CORO2B: variants seen among roughly 807,000 people sequenced by gnomAD.
The protein encoded by CORO2B is coronin 2B.
In CORO2B, 26 loss-of-function variants were observed where a neutral mutation model predicts 58.8. That is an observed-to-expected ratio of 0.44 (90% CI 0.32 to 0.61). The LOEUF is 0.61. Ranked by LOEUF, CORO2B falls within the 20% of genes least tolerant of loss-of-function variation. CORO2B has a pLI of 0.04. For synonymous variants in CORO2B, 242 were observed against 253.8 expected (o/e 0.95, Z 0.44); for missense variants, 460 against 645.1 (o/e 0.71, Z 3.11).
intron 2 of CORO2B, among the ~76,000 whole-genome samples, chr15:68,670,081 TAAAG>T (rs948940622): frequency 1.3e-4 from 19 of 149,970 alleles, no homozygotes; most frequent in African/African-American, 4.4e-4. Context: ...GGGGGAAAAA[TAAAG>T]AAAAATTTAA....
intron 3 of CORO2B, among the ~76,000 whole-genome samples, chr15:68,695,791 C>T (rs907728944): frequency 2.0e-5 from 3 of 151,692 alleles, no homozygotes; most frequent in Non-Finnish European, 4.4e-5. Flanking sequence ...ATGTGTCCCA[C>T]CATTCAATGA....
chr15:68,639,283 AGTGG>A (rs937144105), intron 1 of CORO2B, among the ~76,000 whole-genome samples: 3 of 152,134 alleles, frequency 2.0e-5, no homozygotes, highest in Non-Finnish European at 2.9e-5. Context: ...CCCGGCATGG[AGTGG>A]GGTGGGGCTG....
chr15:68,534,816 T>C, the CORO2B span, among the ~76,000 whole-genome samples: 152 of 152,334 alleles, frequency 1.0e-3, no homozygotes, highest in African/African-American at 3.6e-3. Context: ...CACAGTTCCA[T>C]GTGGCTGGGG....
chr15:68,564,386 C>T, the CORO2B span, among the ~76,000 whole-genome samples: 1 of 152,046 alleles, frequency 6.6e-6, no homozygotes, highest in Non-Finnish European at 1.5e-5. Flanking sequence ...TAACTACAAC[C>T]TCTGCCTCTT....
chr15:68,664,052 T>G (rs74020264), intron 2 of CORO2B, among the ~76,000 whole-genome samples: 9,760 of 152,318 alleles, frequency 0.064, 683 homozygotes, highest in African/African-American at 0.18. Flanking sequence ...ACTCTCATAC[T>G]ACACTGCTGG....
At chr15:68,629,913 G>C (rs1307870642) in intron 1 of CORO2B, among the ~76,000 whole-genome samples, 2 of 152,194 alleles carry the variant, frequency 1.3e-5, no homozygotes, top group East Asian at 3.9e-4. Flanking sequence ...CACCCCAGTA[G>C]AAAGAGTCCT....
At chr15:68,615,644 T>G (rs1900336458) in intron 1 of CORO2B, among the ~76,000 whole-genome samples, 1 of 152,148 alleles carries the variant, frequency 6.6e-6, no homozygotes, top group African/African-American at 2.4e-5. Flanking sequence ...TAAGGCCTCA[T>G]GAATGGGATT....
At chr15:68,548,692 G>A in the CORO2B span, among the ~76,000 whole-genome samples, 22,968 of 152,224 alleles carry the variant, frequency 0.15, 2,080 homozygotes, top group Middle Eastern at 0.25. Flanking sequence ...AGCAGCATAT[G>A]AGAGTATTAA....
chr15:68,653,146 G>C (rs1342406695), intron 2 of CORO2B, among the ~76,000 whole-genome samples: 1 of 152,074 alleles, frequency 6.6e-6, no homozygotes, highest in Non-Finnish European at 1.5e-5. Context: ...TGGGGTCCTG[G>C]AGCAGCGGTC....
chr15:68,521,345 G>A, the CORO2B span, among the ~76,000 whole-genome samples: 2 of 152,112 alleles, frequency 1.3e-5, no homozygotes, highest in Non-Finnish European at 2.9e-5. Flanking sequence ...TAGTACTTTT[G>A]TAAATTCTGG....
At chr15:68,537,982 G>A in the CORO2B span, among the ~76,000 whole-genome samples, 12 of 152,172 alleles carry the variant, frequency 7.9e-5, no homozygotes, top group Non-Finnish European at 1.2e-4. Flanking sequence ...GGTGTGTGGC[G>A]GGGAGCCTTG....
chr15:68,618,756 G>A (rs964059661), intron 1 of CORO2B, among the ~76,000 whole-genome samples: 3 of 152,322 alleles, frequency 2.0e-5, no homozygotes, highest in Middle Eastern at 3.4e-3. Flanking sequence ...CTACTAAGTG[G>A]TAGAGCCAGG....
chr15:68,544,322 A>G, the CORO2B span, among the ~76,000 whole-genome samples: 1 of 152,182 alleles, frequency 6.6e-6, no homozygotes, highest in Non-Finnish European at 1.5e-5. Context: ...TGGGTGTGTG[A>G]CACTGGTCAT....
chr15:68,672,007 C>CT (rs1405414366), intron 2 of CORO2B, among the ~76,000 whole-genome samples: 1 of 152,076 alleles, frequency 6.6e-6, no homozygotes, highest in East Asian at 1.9e-4. Flanking sequence ...CTGTGCCCAG[C>CT]TTTTTTGGAA....
intron 1 of CORO2B, among the ~76,000 whole-genome samples, chr15:68,590,559 G>T (rs960460100): frequency 6.6e-6 from 1 of 152,186 alleles, no homozygotes; most frequent in Non-Finnish European, 1.5e-5. Context: ...TGGCCTGGCA[G>T]TGGATGGCTG....
At chr15:68,541,089 A>G in the CORO2B span, among the ~76,000 whole-genome samples, 2 of 152,082 alleles carry the variant, frequency 1.3e-5, no homozygotes, top group African/African-American at 4.8e-5. Context: ...AAAGTTAGCC[A>G]GGTGTTGTGG....
At chr15:68,711,816 C>G in intron 5 of CORO2B, 110 bp downstream of exon 5, 1 of 1,220,632 alleles carries the variant, frequency 8.2e-7, no homozygotes, top group East Asian at 2.4e-5. Context: ...TCCAGTGCAT[C>G]TCACTGCACC....
intron 1 of CORO2B, among the ~76,000 whole-genome samples, chr15:68,635,334 A>G (rs1900998339): frequency 6.6e-6 from 1 of 152,104 alleles, no homozygotes; most frequent in South Asian, 2.1e-4. Flanking sequence ...AATAGAAACC[A>G]TCTGTTGGGC....
chr15:68,581,081 G>A lies in CORO2B; in HGVS notation c.15+1804G>A, dbSNP rs60967241. ...CTACTGGGGGACTTCCATGGTAGAG[G>A]AGCACTGCTTGGAGACCTGAACCTT... On this transcript the variant is annotated intron_variant, in intron 1 of 11. Transcript: ENST00000261861. 1.9e-3 allele frequency among the ~76,000 whole-genome samples: 290 copies of A among 152,258 alleles called. 1 individual carries two copies. Among genetic ancestry groups the A allele is most frequent in the African/African-American group, 6.7e-3 (279 of 41,536 alleles).
Sources: gnomAD v4.1 joint callset for allele counts (sites outside exome capture counted in the v4.1 genomes callset) on GRCh38, gnomAD v4.1.1 for gene constraint, MANE v1.5 for transcripts, NCBI Gene and HGNC (gene_info 2026-07-23, HGNC 2026-07-21) for gene names.